The following DLGAP2 variants were observed in gnomAD, a reference collection of about 807,000 sequenced individuals.
DLGAP2 encodes disks large-associated protein 2.
A neutral mutation model predicts 100.3 loss-of-function variants in DLGAP2; 26 were observed. The ratio of observed to expected loss-of-function variants is 0.26; its 90% CI spans 0.19 to 0.36. DLGAP2 has a LOEUF of 0.36. DLGAP2 is among the 10% of genes least tolerant of loss of function. The pLI, the probability that DLGAP2 is intolerant of heterozygous loss-of-function variation, is 1.00. For synonymous variants in DLGAP2, 886 were observed against 630.1 expected, an observed-to-expected ratio of 1.41 and a Z score of -6.08; for missense variants, 1,858 against 1,453.2, an observed-to-expected ratio of 1.28 and a Z score of -4.53.
At chr8:1,191,308 C>G (rs541074949) in intron 2 of DLGAP2, among the ~76,000 whole-genome samples, 1 of 151,504 alleles carries the variant, frequency 6.6e-6, no homozygotes, top group East Asian at 1.9e-4. Flanking sequence ...GTAGCTGGGA[C>G]TACAGGCACC....
chr8:1,283,836 G>C (rs1185204688), intron 3 of DLGAP2, among the ~76,000 whole-genome samples: 1 of 152,184 alleles, frequency 6.6e-6, no homozygotes, highest in African/African-American at 2.4e-5. Context: ...CACACTTAAA[G>C]TATGAGAGTA....
intron 5 of DLGAP2, among the ~76,000 whole-genome samples, chr8:1,563,835 C>T (rs1802280663): frequency 6.6e-6 from 1 of 152,140 alleles, no homozygotes; most frequent in Non-Finnish European, 1.5e-5. Flanking sequence ...GCTGGTAGTG[C>T]TGTCGATCGG....
intron 2 of DLGAP2, among the ~76,000 whole-genome samples, chr8:1,202,786 A>C (rs937520138): frequency 7.2e-5 from 11 of 152,130 alleles, no homozygotes; most frequent in African/African-American, 2.4e-4. Flanking sequence ...AATCCACCCA[A>C]ATGACAATCA....
At chr8:1,255,448 TA>T in intron 2 of DLGAP2, among the ~76,000 whole-genome samples, 1 of 131,904 alleles carries the variant, frequency 7.6e-6, no homozygotes, top group Non-Finnish European at 1.6e-5. Flanking sequence ...CCGAGCACTG[TA>T]TGTGTGTCCT....
intron 2 of DLGAP2, among the ~76,000 whole-genome samples, chr8:1,065,975 G>A (rs1474563918): frequency 2.0e-5 from 3 of 152,216 alleles, no homozygotes; most frequent in Non-Finnish European, 4.4e-5. Flanking sequence ...GCTGGACACT[G>A]TCCAGCCTGA....
chr8:1,294,668 C>T (rs1800130687), intron 3 of DLGAP2, among the ~76,000 whole-genome samples: 1 of 152,132 alleles, frequency 6.6e-6, no homozygotes, highest in Admixed American at 6.5e-5. Context: ...ATAAAGCCAT[C>T]CCATTGAAAT....
At chr8:1,189,788 C>T (rs891821520) in intron 2 of DLGAP2, among the ~76,000 whole-genome samples, 1 of 152,138 alleles carries the variant, frequency 6.6e-6, no homozygotes, top group East Asian at 1.9e-4. Context: ...TGGGCCACTT[C>T]CATAAGCGGG....
rs79991427 is a variant in DLGAP2 at position 761,715 on chromosome 8, C to T, written c.18+23890C>T. 6.8e-3 allele frequency among the ~76,000 whole-genome samples: 1,029 copies of T among 152,304 alleles called. 14 individuals are homozygous for T. Among genetic ancestry groups the T allele is most frequent in the African/African-American group, 0.023 (971 of 41,564 alleles). On this transcript the variant is annotated intron_variant, in intron 1 of 14. Transcript: ENST00000637795. ...CACTCCTGGAACCCTTCCTAGAAGA[C>T]GGCCCGAAACGCGGAGCCAGCTCCC...
At chr8:1,520,657 G>C (rs1448254008) in intron 4 of DLGAP2, among the ~76,000 whole-genome samples, 1 of 152,098 alleles carries the variant, frequency 6.6e-6, no homozygotes, top group African/African-American at 2.4e-5. Flanking sequence ...GCCTTTTCCA[G>C]AATGACCCAT....
At chr8:811,039 G>A (rs547471837) in intron 1 of DLGAP2, among the ~76,000 whole-genome samples, 5 of 152,288 alleles carry the variant, frequency 3.3e-5, no homozygotes, top group African/African-American at 9.6e-5. Flanking sequence ...GTCATCTCCC[G>A]GACTTTCCTC....
At chr8:1,554,622 G>C (rs578213484) in intron 5 of DLGAP2, among the ~76,000 whole-genome samples, 32 of 152,252 alleles carry the variant, frequency 2.1e-4, no homozygotes, top group African/African-American at 7.5e-4. Flanking sequence ...GTATCTAGGA[G>C]GGTCCAACAC....
At chr8:1,213,936 C>A (rs971485740) in intron 2 of DLGAP2, among the ~76,000 whole-genome samples, 2 of 152,198 alleles carry the variant, frequency 1.3e-5, no homozygotes, top group Non-Finnish European at 2.9e-5. Context: ...CCACAGTGAG[C>A]TGAGGTTGAC....
intron 3 of DLGAP2, among the ~76,000 whole-genome samples, chr8:1,290,830 T>G (rs1467949199): frequency 6.6e-6 from 1 of 152,198 alleles, no homozygotes; most frequent in Non-Finnish European, 1.5e-5. Context: ...TAAGGTGGTG[T>G]TTTAAAGAAA....
intron 1 of DLGAP2, among the ~76,000 whole-genome samples, chr8:769,372 T>G (rs778515039): frequency 6.6e-6 from 1 of 151,738 alleles, no homozygotes; most frequent in African/African-American, 2.4e-5. Flanking sequence ...TGGTCAGTTG[T>G]GAAGTGGGAT....
At chr8:1,265,047 C>T (rs1799424826) in intron 3 of DLGAP2, among the ~76,000 whole-genome samples, 1 of 152,252 alleles carries the variant, frequency 6.6e-6, no homozygotes, top group South Asian at 2.1e-4. Context: ...GTCCATTAAA[C>T]CTCTTTTTAA....
At chr8:1,280,773 C>T (rs916516660) in intron 3 of DLGAP2, among the ~76,000 whole-genome samples, 1 of 152,136 alleles carries the variant, frequency 6.6e-6, no homozygotes, top group African/African-American at 2.4e-5. Flanking sequence ...GGTCAGGTTG[C>T]CATGCAAGCT....
chr8:1,453,988 C>A (rs1239995858), intron 3 of DLGAP2, among the ~76,000 whole-genome samples: 1 of 152,228 alleles, frequency 6.6e-6, no homozygotes, highest in African/African-American at 2.4e-5. Flanking sequence ...GCGATGTCGG[C>A]TGGCGTGGCC....
intron 3 of DLGAP2, among the ~76,000 whole-genome samples, chr8:1,483,469 G>C (rs769887479): frequency 2.7e-5 from 4 of 147,550 alleles, no homozygotes; most frequent in African/African-American, 5.3e-5. Flanking sequence ...ACCTGAGGGC[G>C]TCTCCACAGG....
chr8:1,472,666 G>T (rs953151361), intron 3 of DLGAP2, among the ~76,000 whole-genome samples: 10 of 152,256 alleles, frequency 6.6e-5, no homozygotes, highest in Admixed American at 5.2e-4. Context: ...ATTTTCTACA[G>T]ATGAGGCAAG....
Sources: allele counts gnomAD v4.1 joint callset (sites outside exome capture counted in the v4.1 genomes callset), GRCh38; gene constraint gnomAD v4.1.1; transcripts MANE v1.5; gene names NCBI Gene and HGNC (gene_info 2026-07-23, HGNC 2026-07-21).